ZEB2: variants seen among roughly 807,000 people sequenced by gnomAD.
ZEB2 encodes the protein zinc finger E-box-binding homeobox 2.
In ZEB2, 6 loss-of-function variants were observed where a neutral mutation model predicts 99.9. The observed-to-expected ratio is 0.06, with a 90% CI of 0.03 to 0.12. The LOEUF (loss-of-function observed/expected upper bound fraction) is 0.12, where lower values mean the gene tolerates loss of function less well. Among genes scored for constraint, ZEB2 ranks in the 10% least tolerant of loss-of-function variants. The pLI is 1.00. For synonymous variants in ZEB2, 517 were observed against 542.5 expected (o/e 0.95, Z 0.65); for missense variants, 969 against 1,502.8 (o/e 0.64, Z 5.87).
chr2:144,517,137 C>A, intron 2 of ZEB2, 141 bp downstream of exon 2: 5 of 898,364 alleles, frequency 5.6e-6, no homozygotes, highest in Non-Finnish European at 7.5e-6. Context: ...GCTCCGGCGC[C>A]GGCCGCGGAG....
At chr2:144,467,699 G>A (rs527774734) in intron 2 of ZEB2, among the ~76,000 whole-genome samples, 5 of 152,210 alleles carry the variant, frequency 3.3e-5, no homozygotes, top group African/African-American at 9.6e-5. Flanking sequence ...CAGGCATCAG[G>A]AACCAAGTTT....
At chr2:144,473,440 T>A (rs528748255) in intron 2 of ZEB2, among the ~76,000 whole-genome samples, 1 of 152,286 alleles carries the variant, frequency 6.6e-6, no homozygotes, top group Non-Finnish European at 1.5e-5. Flanking sequence ...TGATTCTTTT[T>A]TTGGTAGAGA....
intron 2 of ZEB2, chr2:144,463,846 C>G (rs569526174): frequency 7.2e-6 from 1 of 138,366 alleles, no homozygotes; most frequent in East Asian, 2.0e-4. Flanking sequence ...AAACAAAAAA[C>G]AAAAAACAAA....
chr2:144,451,311 A>G (rs1466777785), intron 2 of ZEB2, among the ~76,000 whole-genome samples: 1 of 152,168 alleles, frequency 6.6e-6, no homozygotes, highest in Non-Finnish European at 1.5e-5. Context: ...TCTGGAAAAG[A>G]GAGGTCCAGT....
At chr2:144,517,751 C>G (rs1195009599) in intron 1 of ZEB2, 1 of 696,290 alleles carries the variant, frequency 1.4e-6, no homozygotes, top group Non-Finnish European at 2.6e-6. Flanking sequence ...CGGACCCTTT[C>G]CTTCGAAAAG....
At position 144,387,358 on chromosome 2, in the gene ZEB2, A is replaced by T. The variant is rs1170940409; in HGVS notation, c.*2093T>A. 1 of 152,144 alleles carries T rather than the reference A, an allele frequency of 6.6e-6. No homozygotes were observed. Among genetic ancestry groups the T allele is most frequent in the Non-Finnish European group, 1.5e-5 (1 of 68,010 alleles). 9.4% of individuals were successfully genotyped at this position (152,144 alleles called of 1,614,324 possible). A position where few individuals can be genotyped will look rare whatever the true frequency, so the allele number is the denominator to read the frequency against. On this transcript the variant is annotated 3_prime_UTR_variant, in exon 10 of 10. Coordinates refer to ENST00000627532, the MANE Select transcript of ZEB2 (RefSeq NM_014795.4). ...CTGTTATTCTTCACTTGGCAATTAG[A>T]TTTAAGAAGCAGAATCTAGTTTCTT... is the stretch of plus-strand genomic sequence containing the variant.
At chr2:144,426,671 G>A (rs1703694375) in intron 3 of ZEB2, 1 of 152,132 alleles carries the variant, frequency 6.6e-6, no homozygotes, top group Admixed American at 6.6e-5. Context: ...TGTGTAAATT[G>A]CATTTTGTAG....
chr2:144,418,895 G>A (rs1253192143), intron 4 of ZEB2, among the ~76,000 whole-genome samples: 2 of 151,684 alleles, frequency 1.3e-5, no homozygotes, highest in East Asian at 1.9e-4. Context: ...TGATGGGTGC[G>A]CCAAAACCTC....
intron 2 of ZEB2, chr2:144,512,000 C>T: frequency 7.8e-7 from 1 of 1,287,140 alleles, no homozygotes; most frequent in Non-Finnish European, 1.0e-6. Context: ...TATCTCTTTG[C>T]TCTGAAAAGA....
At chr2:144,508,725 C>T (rs570760244) in intron 2 of ZEB2, among the ~76,000 whole-genome samples, 1 of 152,046 alleles carries the variant, frequency 6.6e-6, no homozygotes, top group Non-Finnish European at 1.5e-5. Flanking sequence ...GTACTTCCCC[C>T]TTGAAAAGAT....
chr2:144,440,600 T>C (rs1703902016), intron 2 of ZEB2, among the ~76,000 whole-genome samples: 1 of 150,310 alleles, frequency 6.7e-6, no homozygotes, highest in South Asian at 2.1e-4. Context: ...GAAATAAAAT[T>C]ATTCATCCCA....
At chr2:144,447,015 CAA>C (rs200426124) in intron 2 of ZEB2, among the ~76,000 whole-genome samples, 56 of 74,408 alleles carry the variant, frequency 7.5e-4, no homozygotes, top group Admixed American at 7.6e-4. Context: ...GACACTGTTT[CAA>C]AAAAAAAAAA....
intron 4 of ZEB2, among the ~76,000 whole-genome samples, chr2:144,411,406 A>C (rs1278336935): frequency 6.6e-6 from 1 of 152,058 alleles, no homozygotes; most frequent in Non-Finnish European, 1.5e-5. Context: ...GCATTTGTTG[A>C]GGTCTATAGA....
chr2:144,443,505 T>C (rs1025405772), intron 2 of ZEB2, among the ~76,000 whole-genome samples: 1 of 152,214 alleles, frequency 6.6e-6, no homozygotes, highest in Admixed American at 6.5e-5. Flanking sequence ...TACAATAACA[T>C]ATTACGATGC....
intron 6 of ZEB2, among the ~76,000 whole-genome samples, chr2:144,402,112 CCTGAAAAGACA>C (rs1703319921): frequency 2.0e-5 from 3 of 151,966 alleles, no homozygotes; most frequent in African/African-American, 7.3e-5. Context: ...AAAAAAGTTT[CCTGAAAAGACA>C]AGTTAAAAGC....
At chr2:144,456,737 C>T (rs911106520) in intron 2 of ZEB2, among the ~76,000 whole-genome samples, 3 of 152,004 alleles carry the variant, frequency 2.0e-5, no homozygotes, top group African/African-American at 4.8e-5. Context: ...TACAGTCATC[C>T]GTACAGTGGC....
chr2:144,457,356 A>T (rs963908336), intron 2 of ZEB2, among the ~76,000 whole-genome samples: 1 of 152,158 alleles, frequency 6.6e-6, no homozygotes, highest in African/African-American at 2.4e-5. Context: ...TAGAATCTGG[A>T]TCTGATTCCT....
intron 2 of ZEB2, among the ~76,000 whole-genome samples, chr2:144,440,655 C>T (rs1021174160): frequency 6.6e-6 from 1 of 151,326 alleles, no homozygotes; most frequent in Non-Finnish European, 1.5e-5. Flanking sequence ...TGTGCCTTGT[C>T]CAAATTTTCT....
chr2:144,389,886 G>A lies in ZEB2; in HGVS notation c.3210C>T (p.Tyr1070=). The A allele has an allele frequency of 6.2e-7, 1 of 1,613,708 alleles. No homozygotes were observed. The change falls in exon 10 of 10, where the codon TAC becomes TAT. Residue 1070 remains tyrosine, a synonymous_variant. Coordinates refer to ENST00000627532, the MANE Select transcript of ZEB2 (RefSeq NM_014795.4). The surrounding 1 kb of genome is among the most constrained non-coding windows in gnomAD (Gnocchi z 6.8). ...AATACCTGTGATTCATGTGCTGCGA[G>A]TACGAGCCCGAGTGTGAGAAGCGCT... ...CGKRFSHSGS[Y]SQHMNHRYSY...
Sources: allele counts gnomAD v4.1 joint callset (sites outside exome capture counted in the v4.1 genomes callset), GRCh38; gene constraint gnomAD v4.1.1; non-coding constraint Gnocchi (gnomAD v3.1); transcripts MANE v1.5; gene names NCBI Gene and HGNC (gene_info 2026-07-23, HGNC 2026-07-21).